Variants in RAB3IP observed in about 807,000 individuals in gnomAD.
RAB3IP encodes the protein rab-3A-interacting protein.
In RAB3IP, 36 loss-of-function variants were observed where a neutral mutation model predicts 59.1. The observed-to-expected ratio is 0.61, with a 90% CI of 0.47 to 0.80. RAB3IP has a LOEUF of 0.80. Ranked by LOEUF, RAB3IP falls within the 30% of genes least tolerant of loss-of-function variation. The pLI is 0.00. For missense variants in RAB3IP, 511 were observed against 536.0 expected (o/e 0.95, Z 0.46); for synonymous variants, 207 against 191.2 (o/e 1.08, Z -0.68).
intron 8 of RAB3IP, among the ~76,000 whole-genome samples, chr12:69,808,536 C>CT (rs1481445509): frequency 1.3e-5 from 2 of 152,176 alleles, no homozygotes; most frequent in East Asian, 1.9e-4. Flanking sequence ...GTTTGGGAGT[C>CT]TAAGTCTCTT....
rs1260927839 is a variant in RAB3IP at position 69,805,965 on chromosome 12, T to G, written c.1130+4244T>G. On this transcript the variant is annotated intron_variant, in intron 8 of 10. Coordinates refer to ENST00000247833, the MANE Select transcript of RAB3IP (RefSeq NM_022456.5). ...ATATTGGTCTAAAATTCTCTTTTTTTGTTATGTCTCTGCCCGGCTTTGGTA... is the reference window on the plus strand; with the variant it reads ...ATATTGGTCTAAAATTCTCTTTTTTGGTTATGTCTCTGCCCGGCTTTGGTA... Among the ~76,000 whole-genome samples, 1,005 of 152,240 alleles carry G rather than the reference T, an allele frequency of 6.6e-3. 7 individuals are homozygous for G. Among genetic ancestry groups the G allele is most frequent in the African/African-American group, 0.022 (924 of 41,508 alleles).
Position 69,821,614 on chromosome 12 carries a change from T to G in RAB3IP, c.*6168T>G, listed in dbSNP as rs1881755305. Reference sequence around the variant, plus strand: ...TGTCCTTCACAGTGTTTTGGTTTATTTTTCTGTTTGTCCATCTTGTTTTTG... The same window carrying G: ...TGTCCTTCACAGTGTTTTGGTTTATGTTTCTGTTTGTCCATCTTGTTTTTG... On this transcript the variant is annotated 3_prime_UTR_variant, in exon 11 of 11. Coordinates refer to ENST00000247833, the MANE Select transcript of RAB3IP (RefSeq NM_022456.5). 6.6e-6 allele frequency: 1 copy of G among 152,250 alleles called. No homozygotes were observed. The highest frequency in any genetic ancestry group is 2.4e-5 in the African/African-American group (1 of 41,466). 9.4% of individuals were successfully genotyped at this position (152,250 alleles called of 1,614,324 possible).
At chr12:69,753,041 C>G (rs1869589371) in intron 1 of RAB3IP, among the ~76,000 whole-genome samples, 1 of 152,132 alleles carries the variant, frequency 6.6e-6, no homozygotes, top group Non-Finnish European at 1.5e-5. Context: ...AAAGCAAGGA[C>G]TAGTTTCATT....
chr12:69,738,925 C>G lies in RAB3IP; in HGVS notation c.-132C>G, dbSNP rs1194312095. ...GTGAGCCCGCCGCCGTGGAGTGTAG[C>G]GGAAAGGGCTCGCCGTCCTCCTCCG... is the stretch of plus-strand genomic sequence containing the variant. On this transcript the variant is annotated 5_prime_UTR_variant, in exon 1 of 11. Coordinates refer to ENST00000247833, the MANE Select transcript of RAB3IP (RefSeq NM_022456.5). 1 of 152,042 alleles carries G rather than the reference C, an allele frequency of 6.6e-6. No homozygotes were observed. The highest frequency in any genetic ancestry group is 2.4e-5 in the African/African-American group (1 of 41,420). 9.4% of individuals were successfully genotyped at this position (152,042 alleles called of 1,614,324 possible).
chr12:69,809,707 G>C (rs10879017), intron 8 of RAB3IP, among the ~76,000 whole-genome samples: 50,262 of 152,060 alleles, frequency 0.33, 8,624 homozygotes, highest in Non-Finnish European at 0.37. Flanking sequence ...ACTGAGGCTT[G>C]TGCATTCGTC....
In RAB3IP at chr12:69,755,460, A is replaced by C. The variant is rs934447672; in HGVS notation, c.52A>C (p.Thr18Pro). 1 of 1,613,912 alleles carries C rather than the reference A, an allele frequency of 6.2e-7. No individual in the cohort carries two copies. The change falls in exon 2 of 11, where the codon ACT becomes CCT. Residue 18 changes from threonine (T) to proline (P), a missense_variant. By Grantham distance (38) the Thr-to-Pro change is conservative (BLOSUM62 -1). Transcript: ENST00000247833. ...CCATGAAGTAAACCTTGCTTCACCTACTTCTCCGGACCTTCTTGGTGTGTA... is the reference window on the plus strand; with the variant it reads ...CCATGAAGTAAACCTTGCTTCACCTCCTTCTCCGGACCTTCTTGGTGTGTA... ...GFHEVNLASPTSPDLLGVYES... is the reference protein window; with the variant it reads ...GFHEVNLASPPSPDLLGVYES...
chr12:69,795,440 G>T, intron 6 of RAB3IP, 96 bp downstream of exon 6: 2 of 982,294 alleles, frequency 2.0e-6, no homozygotes, highest in South Asian at 1.4e-5. Flanking sequence ...AAAATTTTTA[G>T]TACAAAATAA....
chr12:69,811,150 C>T (rs182778814), intron 8 of RAB3IP, among the ~76,000 whole-genome samples: 214 of 152,258 alleles, frequency 1.4e-3, no homozygotes, highest in African/African-American at 5.0e-3. Flanking sequence ...CCACATGCTG[C>T]CTGTTCTCCC....
At chr12:69,814,479 A>G (rs2136291118) in intron 10 of RAB3IP, among the ~76,000 whole-genome samples, 1 of 152,180 alleles carries the variant, frequency 6.6e-6, no homozygotes, top group Middle Eastern at 3.4e-3. Flanking sequence ...GAATTTCTCG[A>G]CCTTGGTACT....
At chr12:69,749,855 G>A (rs1868948871) in intron 1 of RAB3IP, among the ~76,000 whole-genome samples, 1 of 152,188 alleles carries the variant, frequency 6.6e-6, no homozygotes, top group African/African-American at 2.4e-5. Flanking sequence ...CTAATAGGCT[G>A]TTTGAAGGCA....
intron 3 of RAB3IP, 27 bp downstream of exon 3, chr12:69,756,690 C>T: frequency 1.9e-6 from 3 of 1,568,602 alleles, no homozygotes; most frequent in South Asian, 2.3e-5. Context: ...TTTATTCTTC[C>T]ATATATTATA....
At chr12:69,796,757 T>C in intron 6 of RAB3IP, 1 of 454,164 alleles carries the variant, frequency 2.2e-6, no homozygotes, top group East Asian at 3.4e-5. Context: ...ATTCTAATTC[T>C]TTGGAATTTA....
chr12:69,768,230 GGAC>G (rs1872546888), intron 3 of RAB3IP, among the ~76,000 whole-genome samples: 2 of 152,296 alleles, frequency 1.3e-5, no homozygotes, highest in South Asian at 4.1e-4. Flanking sequence ...GCCTGGGCAT[GGAC>G]CAGAGAGGGT....
At chr12:69,805,202 G>T (rs1879053140) in intron 8 of RAB3IP, among the ~76,000 whole-genome samples, 1 of 152,108 alleles carries the variant, frequency 6.6e-6, no homozygotes, top group South Asian at 2.1e-4. Flanking sequence ...TCCTTGAAGA[G>T]GTCCTTCACA....
At chr12:69,799,845 T>C (rs1041976863) in intron 6 of RAB3IP, among the ~76,000 whole-genome samples, 3 of 152,174 alleles carry the variant, frequency 2.0e-5, no homozygotes, top group African/African-American at 7.2e-5. Context: ...GTGTGCCACC[T>C]GTGTCTTAAG....
At chr12:69,751,413 A>T (rs998443713) in intron 1 of RAB3IP, among the ~76,000 whole-genome samples, 4 of 152,010 alleles carry the variant, frequency 2.6e-5, no homozygotes, top group South Asian at 2.1e-4. Flanking sequence ...ACATGGTATT[A>T]CTCTGAGTAC....
chr12:69,771,373 ATAAAT>A (rs1686282086), intron 3 of RAB3IP, among the ~76,000 whole-genome samples: 1 of 152,060 alleles, frequency 6.6e-6, no homozygotes, highest in African/African-American at 2.4e-5. Flanking sequence ...TCTGCAAAAA[ATAAAT>A]TAATCAGACA....
intron 1 of RAB3IP, among the ~76,000 whole-genome samples, chr12:69,741,177 T>TG (rs1887301098): frequency 6.6e-6 from 1 of 152,222 alleles, no homozygotes; most frequent in African/African-American, 2.4e-5. Flanking sequence ...CTTGATTGTG[T>TG]GCAAGGCACT....
chr12:69,762,948 AT>A (rs967301390), intron 3 of RAB3IP, among the ~76,000 whole-genome samples: 51 of 151,820 alleles, frequency 3.4e-4, no homozygotes, highest in African/African-American at 1.1e-3. Flanking sequence ...ATTAACAAAT[AT>A]TTTTTTATGA....
Sources: allele counts gnomAD v4.1 joint callset (sites outside exome capture counted in the v4.1 genomes callset), GRCh38; gene constraint gnomAD v4.1.1; transcripts MANE v1.5; gene names NCBI Gene and HGNC (gene_info 2026-07-23, HGNC 2026-07-21).